WDR76: variants seen among roughly 807,000 people sequenced by gnomAD.
WDR76 encodes the protein WD repeat domain 76.
A neutral mutation model predicts 70.2 loss-of-function variants in WDR76; 52 were observed. That is an observed-to-expected ratio of 0.74 (90% CI 0.59 to 0.93). The LOEUF is 0.93. Ranked by LOEUF, WDR76 falls within the 40% of genes least tolerant of loss-of-function variation. WDR76 has a pLI of 0.00. For synonymous variants in WDR76, 292 were observed against 271.1 expected (o/e 1.08, Z -0.76); for missense variants, 756 against 760.2 (o/e 0.99, Z 0.07).
At chr15:43,832,952 G>A (rs926340426) in intron 2 of WDR76, among the ~76,000 whole-genome samples, 14 of 151,098 alleles carry the variant, frequency 9.3e-5, no homozygotes, top group Admixed American at 2.6e-4. Flanking sequence ...ACGGGGTTTC[G>A]ACACGTTGGC....
chr15:43,838,211 A>G (rs1013676360), intron 4 of WDR76, among the ~76,000 whole-genome samples: 2 of 151,246 alleles, frequency 1.3e-5, no homozygotes, highest in African/African-American at 2.4e-5. Context: ...TTTGAGACAG[A>G]GTCTTGCTCT....
chr15:43,827,930 T>G (rs1034587098), intron 1 of WDR76, 35 bp from the exon 2 acceptor site: 2 of 1,546,668 alleles, frequency 1.3e-6, no homozygotes, highest in African/African-American at 2.8e-5. Flanking sequence ...GACTTGGAGT[T>G]CTAATATTCT....
chr15:43,858,951 T>C, intron 11 of WDR76, 128 bp downstream of exon 11: 2 of 1,216,562 alleles, frequency 1.6e-6, no homozygotes, highest in South Asian at 1.6e-5. Flanking sequence ...AGTAGTCATA[T>C]GTAGGTTCCT....
chr15:43,840,615 C>G (rs2087712679), intron 5 of WDR76, among the ~76,000 whole-genome samples: 1 of 152,054 alleles, frequency 6.6e-6, no homozygotes, highest in Non-Finnish European at 1.5e-5. Flanking sequence ...GAGCAAATTG[C>G]AAATCTAGGT....
At chr15:43,852,603 C>T (rs536704163) in intron 9 of WDR76, among the ~76,000 whole-genome samples, 1 of 152,238 alleles carries the variant, frequency 6.6e-6, no homozygotes, top group South Asian at 2.1e-4. Flanking sequence ...AACTCCTGAC[C>T]TTGTAATCCA....
At chr15:43,862,167 T>TCAATGC (rs890806098) in intron 12 of WDR76, among the ~76,000 whole-genome samples, 2 of 152,034 alleles carry the variant, frequency 1.3e-5, no homozygotes, top group African/African-American at 4.8e-5. Flanking sequence ...CAAACTTTAC[T>TCAATGC]CAATGCCTTC....
chr15:43,868,215 A>C lies in WDR76; in HGVS notation c.*1823A>C, dbSNP rs999136808. 2.6e-5 allele frequency: 4 copies of C among 152,226 alleles called. No homozygotes were observed. The highest frequency in any genetic ancestry group is 9.6e-5 in the African/African-American group (4 of 41,460). The allele number at this position is 152,226 out of a possible 1,614,324, so 9.4% of individuals were successfully genotyped here. ...AATTAAACTGTTCAGGAAACATCGT[A>C]AAGGCTTTAGGCTCCCTTTTTCATT... On this transcript the variant is annotated 3_prime_UTR_variant, in exon 13 of 13. Transcript: ENST00000263795.
At chr15:43,829,473 T>C (rs953733358) in intron 2 of WDR76, among the ~76,000 whole-genome samples, 1 of 150,726 alleles carries the variant, frequency 6.6e-6, no homozygotes, top group African/African-American at 2.4e-5. Context: ...TGAATTGGAC[T>C]TGGGGTTGAG....
intron 10 of WDR76, among the ~76,000 whole-genome samples, chr15:43,857,727 C>G (rs1022394414): frequency 4.2e-5 from 6 of 143,292 alleles, no homozygotes; most frequent in Admixed American, 3.8e-4. Flanking sequence ...GGCTGAGGCA[C>G]AGAATCACTT....
chr15:43,837,320 A>G (rs1332903440), intron 4 of WDR76, among the ~76,000 whole-genome samples: 1 of 152,230 alleles, frequency 6.6e-6, no homozygotes, highest in Non-Finnish European at 1.5e-5. Flanking sequence ...ATGGCCAGGT[A>G]TTTTCAAGTG....
At chr15:43,829,413 A>G (rs1003340913) in intron 2 of WDR76, among the ~76,000 whole-genome samples, 1 of 151,768 alleles carries the variant, frequency 6.6e-6, no homozygotes, top group African/African-American at 2.4e-5. Context: ...TTCTCGTCCC[A>G]GAGTTAAGAA....
At chr15:43,830,304 T>C (rs2087570991) in intron 2 of WDR76, among the ~76,000 whole-genome samples, 1 of 152,012 alleles carries the variant, frequency 6.6e-6, no homozygotes, top group Non-Finnish European at 1.5e-5. Flanking sequence ...GGCTCACGCC[T>C]GTAATCCCAG....
intron 4 of WDR76, 62 bp downstream of exon 4, chr15:43,836,278 A>G (rs1214852464): frequency 1.3e-6 from 2 of 1,520,904 alleles, no homozygotes; most frequent in Non-Finnish European, 1.8e-6. Flanking sequence ...TTATAATTTG[A>G]AAAAAATGGT....
chr15:43,839,854 T>A (rs922613189), intron 5 of WDR76, 126 bp downstream of exon 5: 12 of 1,213,302 alleles, frequency 9.9e-6, no homozygotes, highest in East Asian at 2.8e-5. Context: ...TTGAATGTTG[T>A]ATGGTTTTGT....
rs1273727069 is a variant in WDR76 at position 43,857,524 on chromosome 15, A to G, written c.1409+361A>G. On this transcript the variant is annotated intron_variant, in intron 10 of 12. Coordinates refer to ENST00000263795, the MANE Select transcript of WDR76 (RefSeq NM_024908.4). ...TTTTCTAGGAAGGATTGAAAAACCA[A>G]CTAGAAACTTGACAGCTGGGCGTGG... 4.1e-6 allele frequency: 4 copies of G among 985,330 alleles called. No homozygotes were observed. The East Asian group carries it at 3.4e-4, about 84-fold the overall frequency. The allele number at this position is 985,330 out of a possible 1,614,324, so 61.0% of individuals were successfully genotyped here.
rs1399736010 is a variant in WDR76 at position 43,858,709 on chromosome 15, G to A, written c.1448G>A (p.Arg483Lys). 6.2e-7 allele frequency: 1 copy of A among 1,614,138 alleles called. No homozygotes were observed. The highest frequency in any genetic ancestry group is 1.3e-5 in the African/African-American group (1 of 75,050). The part of the protein sequence containing the change: ...HIYDARRLNS[R>K]RSQPLISLTE... Reference sequence around the variant, plus strand: ...TATGATGCAAGGCGATTGAATTCCAGGAGAAGTCAGCCTTTGATTTCTTTG... The same window carrying A: ...TATGATGCAAGGCGATTGAATTCCAAGAGAAGTCAGCCTTTGATTTCTTTG... The change falls in exon 11 of 13, where the codon AGG becomes AAG. Residue 483 changes from arginine (R) to lysine (K), a missense_variant. By Grantham distance (26) the Arg-to-Lys change is conservative. Transcript: ENST00000263795.
At chr15:43,843,344 C>T (rs1267690501) in intron 7 of WDR76, among the ~76,000 whole-genome samples, 3 of 151,888 alleles carry the variant, frequency 2.0e-5, no homozygotes, top group South Asian at 2.1e-4. Context: ...TTTTCATTTG[C>T]GGTTGCATGT....
intron 2 of WDR76, 61 bp downstream of exon 2, chr15:43,828,427 A>C (rs1392490134): frequency 6.6e-7 from 1 of 1,510,520 alleles, no homozygotes; most frequent in African/African-American, 1.4e-5. Context: ...AGTTCTGATA[A>C]ATCGAAGTTT....
rs765757303 is a variant in WDR76 at position 43,828,051 on chromosome 15, C to CTA, written c.149_150dup (p.Leu51IlefsTer12). The CTA allele has an allele frequency of 6.2e-7, 1 of 1,614,170 alleles. No individual in the cohort carries two copies. The highest frequency in any genetic ancestry group is 1.1e-5 in the South Asian group (1 of 91,082). The stretch of plus-strand genomic sequence containing the variant: ...CAGTTTTAATAAAAACAGCTAAGGT[C>CTA]TATCTTGCCCCCTTTTCACTCAGTA... On this transcript the variant is annotated frameshift_variant, in exon 2 of 13. Transcript: ENST00000263795. LOFTEE classifies it high-confidence loss of function.
Sources: allele counts gnomAD v4.1 joint callset (sites outside exome capture counted in the v4.1 genomes callset), GRCh38; gene constraint gnomAD v4.1.1; transcripts MANE v1.5; gene names NCBI Gene and HGNC (gene_info 2026-07-23, HGNC 2026-07-21).